Variants in SERPINB5 observed in about 807,000 individuals in gnomAD.
The protein encoded by SERPINB5 is serpin B5.
A neutral mutation model predicts 32.2 loss-of-function variants in SERPINB5; 27 were observed. The observed-to-expected ratio is 0.84, with a 90% CI of 0.62 to 1.16. The LOEUF (loss-of-function observed/expected upper bound fraction) is 1.16. Among genes scored for constraint, SERPINB5 ranks in the 50% most tolerant of loss-of-function variants. SERPINB5 has a pLI of 0.00. For missense variants in SERPINB5, 388 were observed against 436.3 expected, an observed-to-expected ratio of 0.89 and a Z score of 0.99; for synonymous variants, 154 against 157.4, an observed-to-expected ratio of 0.98 and a Z score of 0.16.
intron 1 of SERPINB5, among the ~76,000 whole-genome samples, chr18:63,483,118 G>A (rs1917151712): frequency 6.6e-6 from 1 of 152,186 alleles, no homozygotes; most frequent in Non-Finnish European, 1.5e-5. Flanking sequence ...AAGTTGCTGT[G>A]TTAAAATTAA....
chr18:63,499,408 A>G, intron 6 of SERPINB5, 121 bp downstream of exon 6: 1 of 785,434 alleles, frequency 1.3e-6, no homozygotes, highest in Non-Finnish European at 1.8e-6. Flanking sequence ...CCACTGGCTC[A>G]GTCACCTCCA....
chr18:63,487,159 T>G, intron 3 of SERPINB5, 76 bp downstream of exon 3: 2 of 1,381,442 alleles, frequency 1.4e-6, no homozygotes, highest in Non-Finnish European at 2.0e-6. Flanking sequence ...GACCTACAAC[T>G]TTTTTTCAGT....
At chr18:63,494,063 C>A (rs1310387656) in intron 5 of SERPINB5, among the ~76,000 whole-genome samples, 2 of 151,896 alleles carry the variant, frequency 1.3e-5, no homozygotes, top group African/African-American at 4.8e-5. Context: ...GTGGCTCATG[C>A]CTGTAATCCC....
chr18:63,494,172 A>G (rs1909400448), intron 5 of SERPINB5, among the ~76,000 whole-genome samples: 1 of 151,844 alleles, frequency 6.6e-6, no homozygotes, highest in Admixed American at 6.6e-5. Context: ...AAATACAAAA[A>G]TTAGCTGGGC....
At position 63,503,874 on chromosome 18, in the gene SERPINB5, C is replaced by A; in HGVS notation, c.*152C>A. On this transcript the variant is annotated 3_prime_UTR_variant, in exon 7 of 7. Transcript: ENST00000382771. ...GTACTTGTCATATGTAGCCTTCACACAGATAGACCTTTTTTTTTTTTCCAA... is the reference window on the plus strand; with the variant it reads ...GTACTTGTCATATGTAGCCTTCACAAAGATAGACCTTTTTTTTTTTTCCAA... 2 of 682,256 alleles carry A rather than the reference C, an allele frequency of 2.9e-6. No homozygotes were observed. The highest frequency in any genetic ancestry group is 4.9e-6 in the Non-Finnish European group (2 of 411,950). 42.3% of individuals were successfully genotyped at this position (682,256 alleles called of 1,614,324 possible). A position where few individuals can be genotyped will look rare whatever the true frequency, so the allele number is the denominator to read the frequency against.
At chr18:63,484,667 GA>G in intron 2 of SERPINB5, 71 bp downstream of exon 2, 8 of 1,384,206 alleles carry the variant, frequency 5.8e-6, no homozygotes, top group Admixed American at 2.4e-5. Context: ...AGTGCCTACG[GA>G]AAAAAGGAAT....
chr18:63,489,968 G>A (rs1219463388), intron 4 of SERPINB5, among the ~76,000 whole-genome samples: 11 of 152,246 alleles, frequency 7.2e-5, no homozygotes, highest in South Asian at 2.1e-4. Flanking sequence ...CAAGGCGGGC[G>A]GATCACGAGG....
intron 4 of SERPINB5, among the ~76,000 whole-genome samples, chr18:63,490,354 C>G (rs2089649): frequency 0.48 from 72,631 of 151,822 alleles, 19,695 homozygotes; most frequent in Non-Finnish European, 0.62. Flanking sequence ...TCGGACTCCT[C>G]GTCCCTCCCT....
In SERPINB5 at chr18:63,503,377, C is replaced by A; in HGVS notation, c.783C>A (p.Pro261=). 1 of 1,614,204 alleles carries A rather than the reference C, an allele frequency of 6.2e-7. No homozygotes were observed. Among genetic ancestry groups the A allele is most frequent in the Non-Finnish European group, 8.5e-7 (1 of 1,180,028 alleles). ...AGTCACTGTCACAGTGGACTAATCC[C>A]AGCACCATGGCCAATGCCAAGGTCA... ...NSESLSQWTN[P]STMANAKVKL... is the part of the protein sequence containing the mutation. Residue 261 remains proline, a synonymous_variant, in exon 7 of 7, where the codon CCC becomes CCA. Transcript: ENST00000382771.
Position 63,499,036 on chromosome 18 carries a change from C to CGT in SERPINB5, c.568-83_568-82insTG, listed in dbSNP as rs1909513431. On this transcript the variant is annotated intron_variant, in intron 5 of 6. Transcript: ENST00000382771. ...GTGGGTATATATGTGTGTGTGTGTG[C>CGT]GCGCGTGTGTGTATATATATATATA... 1.4e-5 allele frequency: 6 copies of CGT among 438,698 alleles called. No homozygotes were observed. In the South Asian group the frequency reaches 1.9e-4, roughly 14 times the overall value. 27.2% of individuals were successfully genotyped at this position (438,698 alleles called of 1,614,324 possible).
chr18:63,486,366 C>G (rs1917214327), intron 2 of SERPINB5, among the ~76,000 whole-genome samples: 1 of 152,168 alleles, frequency 6.6e-6, no homozygotes, highest in Non-Finnish European at 1.5e-5. Context: ...CTGGCATTTG[C>G]TAAAGCACCC....
In SERPINB5 at chr18:63,498,845, A is replaced by G. The variant is rs1222681039; in HGVS notation, c.568-275A>G. On this transcript the variant is annotated intron_variant, in intron 5 of 6. Coordinates refer to ENST00000382771, the MANE Select transcript of SERPINB5 (RefSeq NM_002639.5). The surrounding 1 kb of genome is among the most constrained non-coding windows in gnomAD (Gnocchi z 4.2). The stretch of plus-strand genomic sequence containing the variant: ...TATGTATGGGGTATATATATATAGT[A>G]TGTATATATAAGTGTGTATATATAG... Among the ~76,000 whole-genome samples the G allele has an allele frequency of 1.7e-5, 2 of 114,766 alleles. No homozygotes were observed. The highest frequency in any genetic ancestry group is 2.1e-5 in the Non-Finnish European group (1 of 48,716). The allele number at this position is 114,766 out of a possible 152,430, so 75.3% of individuals were successfully genotyped here. A position where few individuals can be genotyped will look rare whatever the true frequency, so the allele number is the denominator to read the frequency against.
chr18:63,484,287 T>A, intron 1 of SERPINB5, 135 bp from the exon 2 acceptor site: 1 of 921,978 alleles, frequency 1.1e-6, no homozygotes, highest in South Asian at 1.9e-5. Flanking sequence ...TACTTTTGAA[T>A]TTACAGAAAG....
chr18:63,501,368 C>T (rs9947646), intron 6 of SERPINB5, among the ~76,000 whole-genome samples: 60,715 of 151,758 alleles, frequency 0.4, 13,050 homozygotes, highest in Non-Finnish European at 0.49. Context: ...ACAAAGGACA[C>T]GAACTCATCA....
Position 63,479,707 on chromosome 18 carries a change from T to C in SERPINB5, c.-8+2662T>C, listed in dbSNP as rs549772630. ...CAGCTCCTTGGAGGCAGGGGCTATG[T>C]CGTTTTCACCTTTTCTTAATGCTTA... is the stretch of plus-strand genomic sequence containing the variant. On this transcript the variant is annotated intron_variant, in intron 1 of 6. Transcript: ENST00000382771. 4.6e-4 allele frequency among the ~76,000 whole-genome samples: 70 copies of C among 152,246 alleles called. 2 individuals carry two copies. In the South Asian group the frequency reaches 0.014, roughly 31 times the overall value.
rs1310751227 is a variant in SERPINB5, at chr18:63,497,489, CA to C, written c.568-1629del. 62 of 300,428 alleles carry C rather than the reference CA, an allele frequency of 2.1e-4. 1 individual carries two copies. Among genetic ancestry groups the C allele is most frequent in the African/African-American group, 1.9e-3 (58 of 31,034 alleles). The allele number at this position is 300,428 out of a possible 1,614,324, so 18.6% of individuals were successfully genotyped here. A position where few individuals can be genotyped will look rare whatever the true frequency, so the allele number is the denominator to read the frequency against. On this transcript the variant is annotated intron_variant, in intron 5 of 6. Transcript: ENST00000382771. ...CTGTGCTAAGCTTTACCATTGAACA[CA>C]ACGTTTCTGAAAAAAAAAAAAAAAG...
chr18:63,492,888 T>C (rs1211999156), intron 4 of SERPINB5, 65 bp from the exon 5 acceptor site: 5 of 1,560,916 alleles, frequency 3.2e-6, no homozygotes, highest in Non-Finnish European at 4.3e-6. Flanking sequence ...TGAATATGCA[T>C]GTGAATTTCA....
chr18:63,491,404 C>CAAAAAA (rs1555670766), intron 4 of SERPINB5, among the ~76,000 whole-genome samples: 1 of 81,414 alleles, frequency 1.2e-5, no homozygotes, highest in Non-Finnish European at 2.2e-5. Flanking sequence ...CTGCGTCTCC[C>CAAAAAA]AAAAAAAAAA....
At chr18:63,490,242 T>G (rs1909298067) in intron 4 of SERPINB5, among the ~76,000 whole-genome samples, 1 of 151,958 alleles carries the variant, frequency 6.6e-6, no homozygotes, top group African/African-American at 2.4e-5. Context: ...TTGTCCTCGG[T>G]GCCGCAGCTC....
Sources: gnomAD v4.1 joint callset for allele counts (sites outside exome capture counted in the v4.1 genomes callset) on GRCh38, gnomAD v4.1.1 for gene constraint, Gnocchi (gnomAD v3.1) non-coding constraint, MANE v1.5 for transcripts, NCBI Gene and HGNC (gene_info 2026-07-23, HGNC 2026-07-21) for gene names.